The following ZNF560 variants were observed in gnomAD, a reference collection of about 807,000 sequenced individuals.
ZNF560 encodes zinc finger protein 560.
Under a neutral mutation model 81.8 loss-of-function variants are expected in ZNF560, and 54 were observed. That is an observed-to-expected ratio of 0.66 (90% CI 0.53 to 0.83). The LOEUF (loss-of-function observed/expected upper bound fraction) is 0.83, where lower values mean the gene tolerates loss of function less well. ZNF560 is among the 40% of genes least tolerant of loss of function. The pLI, the probability that ZNF560 is intolerant of heterozygous loss-of-function variation, is 0.00. For missense variants in ZNF560, 940 were observed against 932.4 expected (o/e 1.01, Z -0.11); for synonymous variants, 321 against 317.9 (o/e 1.01, Z -0.10).
At chr19:9,478,559 A>T (rs1347016770) in intron 2 of ZNF560, among the ~76,000 whole-genome samples, 3 of 152,228 alleles carry the variant, frequency 2.0e-5, no homozygotes, top group African/African-American at 7.2e-5. Context: ...AGGTTAAGAG[A>T]TAAAAGTATT....
At chr19:9,474,413 T>C in intron 3 of ZNF560, 88 bp from the exon 4 acceptor site, 1 of 1,454,698 alleles carries the variant, frequency 6.9e-7, no homozygotes, top group South Asian at 1.3e-5. Context: ...CCAATGCCTA[T>C]AAAGAGTTGT....
chr19:9,493,634 G>A (rs975436044), intron 2 of ZNF560, among the ~76,000 whole-genome samples: 3 of 152,208 alleles, frequency 2.0e-5, no homozygotes, highest in South Asian at 2.1e-4. Flanking sequence ...GGGATTACAG[G>A]TGTTAGCCAC....
rs544010624 is a variant in ZNF560, at chr19:9,471,402, GTTTTT to G, written c.239-29_239-25del. ...GTCTGAAACAAAAACATAAACTGAG[GTTTTT>G]TTTTTTTTTAAAAAAAAAGGTAAAA... On this transcript the variant is annotated intron_variant, in intron 5 of 9. Coordinates refer to ENST00000301480, the MANE Select transcript of ZNF560 (RefSeq NM_152476.3). 7.0e-5 allele frequency: 83 copies of G among 1,191,140 alleles called. No homozygotes were observed. In the East Asian group the frequency reaches 2.5e-3, roughly 36 times the overall value. 73.8% of individuals were successfully genotyped at this position (1,191,140 alleles called of 1,614,324 possible). A position where few individuals can be genotyped will look rare whatever the true frequency, so the allele number is the denominator to read the frequency against.
the ZNF560 span, among the ~76,000 whole-genome samples, chr19:9,460,021 C>T: frequency 2.0e-5 from 3 of 152,000 alleles, no homozygotes; most frequent in African/African-American, 4.8e-5. Flanking sequence ...TGGAAAGACC[C>T]GATAACAAAA....
At chr19:9,483,777 C>A (rs1030010027) in intron 2 of ZNF560, among the ~76,000 whole-genome samples, 11 of 152,194 alleles carry the variant, frequency 7.2e-5, no homozygotes, top group African/African-American at 2.7e-4. Context: ...CCGGCCGCCA[C>A]CCCATCTGGG....
At chr19:9,482,664 CCCACGGTCTCCCTCTCCCTCTCTTT>C (rs1284356356) in intron 2 of ZNF560, among the ~76,000 whole-genome samples, 4 of 150,622 alleles carry the variant, frequency 2.7e-5, no homozygotes, top group African/African-American at 4.9e-5. Context: ...CCTCCCTCTC[CCCACGGTCTCCCTCTCCCTCTCTTT>C]CCACGGTCTC....
chr19:9,472,270 A>T (rs2073134823), intron 5 of ZNF560, among the ~76,000 whole-genome samples: 1 of 152,108 alleles, frequency 6.6e-6, no homozygotes, highest in African/African-American at 2.4e-5. Context: ...TTAGTGACAT[A>T]CTCGGAGTAA....
chr19:9,477,945 C>T (rs11879509), intron 2 of ZNF560, among the ~76,000 whole-genome samples: 64,333 of 151,758 alleles, frequency 0.42, 15,586 homozygotes, highest in Non-Finnish European at 0.55. Flanking sequence ...TACAGGAGTA[C>T]AAGAAGACAA....
chr19:9,498,618 G>A (rs982540241), upstream of ZNF560: 1 of 152,372 alleles, frequency 6.6e-6, no homozygotes, highest in African/African-American at 2.4e-5. Context: ...GAGAGAACTG[G>A]CGCGCCGCAA....
downstream of ZNF560, among the ~76,000 whole-genome samples, chr19:9,465,290 C>T (rs1236700077): frequency 6.6e-6 from 1 of 152,100 alleles, no homozygotes; most frequent in East Asian, 1.9e-4. Flanking sequence ...ACCACCATGC[C>T]CAGCTAATTT....
rs766688197 is a variant in ZNF560 at position 9,474,179 on chromosome 19, T to A, written c.157+20A>T. On this transcript the variant is annotated intron_variant, in intron 4 of 9. Coordinates refer to ENST00000301480, the MANE Select transcript of ZNF560 (RefSeq NM_152476.3). ...TATATCTCTTCCCTAAGAGGCTGCA[T>A]AAAATGATGGCAGTCTTACCTACTT... is the stretch of plus-strand genomic sequence containing the variant. The A allele has an allele frequency of 2.5e-6, 4 of 1,614,018 alleles. No homozygotes were observed. In the South Asian group the frequency reaches 3.3e-5, roughly 13 times the overall value.
intron 2 of ZNF560, among the ~76,000 whole-genome samples, chr19:9,481,398 C>T (rs1042408550): frequency 8.5e-5 from 13 of 152,136 alleles, no homozygotes; most frequent in African/African-American, 2.9e-4. Flanking sequence ...AAAGCAATGG[C>T]AACAAAAGCC....
chr19:9,471,496 A>G, intron 5 of ZNF560, 118 bp from the exon 6 acceptor site: 1 of 644,488 alleles, frequency 1.6e-6, no homozygotes. Context: ...AAGAAAAAAG[A>G]AAGCTAAATT....
chr19:9,474,079 A>C (rs908422629), intron 4 of ZNF560, 120 bp downstream of exon 4: 9 of 1,149,656 alleles, frequency 7.8e-6, no homozygotes, highest in Non-Finnish European at 1.2e-5. Context: ...ATTAAGACCT[A>C]TTATGGCAGG....
chr19:9,501,327 T>TTGTG (rs71185606), upstream of ZNF560, among the ~76,000 whole-genome samples: 1,390 of 108,986 alleles, frequency 0.013, 8 homozygotes, highest in East Asian at 0.024. Context: ...CCTGGCTACT[T>TTGTG]TGTGTGTGTG....
rs765022027 is a variant in ZNF560 at position 9,468,277 on chromosome 19, A to C, written c.670T>G (p.Cys224Gly). Residue 224 changes from cysteine (C) to glycine (G), a missense_variant, in exon 10 of 10, where the codon TGT becomes GGT. Coordinates refer to ENST00000301480, the MANE Select transcript of ZNF560 (RefSeq NM_152476.3). Reference sequence around the variant, plus strand: ...TTGGTCTTAAGGCATGGATGTTTACAGAAGACATCTTCACATTGCTTACAG... The same window carrying C: ...TTGGTCTTAAGGCATGGATGTTTACCGAAGACATCTTCACATTGCTTACAG... ...YDCKQCEDVF[C>G]KHPCLKTNMS... The C allele has an allele frequency of 6.2e-7, 1 of 1,612,834 alleles. No homozygotes were observed. The highest frequency in any genetic ancestry group is 8.5e-7 in the Non-Finnish European group (1 of 1,179,716).
upstream of ZNF560, among the ~76,000 whole-genome samples, chr19:9,500,330 T>A (rs1181081434): frequency 6.7e-6 from 1 of 150,204 alleles, no homozygotes; most frequent in Non-Finnish European, 1.5e-5. Context: ...GGTTACGGAG[T>A]TTGCAGTGAG....
At chr19:9,448,492 C>T in the ZNF560 span, among the ~76,000 whole-genome samples, 1 of 150,420 alleles carries the variant, frequency 6.6e-6, no homozygotes, top group Non-Finnish European at 1.5e-5. Context: ...TCCTCAGCCT[C>T]CCAAAGTGCT....
chr19:9,492,354 T>C (rs2144726962), intron 2 of ZNF560, among the ~76,000 whole-genome samples: 1 of 152,310 alleles, frequency 6.6e-6, no homozygotes, highest in Middle Eastern at 3.4e-3. Flanking sequence ...GTTCTGGATA[T>C]GGATTTGCCA....
Sources: allele counts gnomAD v4.1 joint callset (sites outside exome capture counted in the v4.1 genomes callset), GRCh38; gene constraint gnomAD v4.1.1; transcripts MANE v1.5; gene names NCBI Gene and HGNC (gene_info 2026-07-23, HGNC 2026-07-21).